RSF1: variants seen among roughly 807,000 people sequenced by gnomAD.
The protein encoded by RSF1 is remodeling and spacing factor 1, also known as HBV pX-associated protein 8.
A neutral mutation model predicts 145.2 loss-of-function variants in RSF1; 13 were observed. The observed-to-expected ratio is 0.09, with a 90% CI of 0.06 to 0.14. RSF1 has a LOEUF of 0.14. Ranked by LOEUF, RSF1 falls within the 10% of genes least tolerant of loss-of-function variation. RSF1 has a pLI of 1.00. For missense variants in RSF1, 1,517 were observed against 1,718.2 expected (o/e 0.88, Z 2.07); for synonymous variants, 577 against 592.6 (o/e 0.97, Z 0.38).
chr11:77,807,891 A>G (rs961720833), intron 1 of RSF1, among the ~76,000 whole-genome samples: 5 of 152,236 alleles, frequency 3.3e-5, no homozygotes, highest in Non-Finnish European at 5.9e-5. Flanking sequence ...GGGTAAATGG[A>G]AGTCATGGCA....
In RSF1 at chr11:77,700,794, G is replaced by A. The variant is rs372058188; in HGVS notation, c.2435C>T (p.Thr812Ile). 2 of 1,609,310 alleles carry A rather than the reference G, an allele frequency of 1.2e-6. No individual in the cohort carries two copies. Among genetic ancestry groups the A allele is most frequent in the African/African-American group, 2.7e-5 (2 of 74,718 alleles). The change falls in exon 6 of 16, where the codon ACA becomes ATA. Residue 812 changes from threonine (T) to isoleucine (I), a missense_variant. Transcript: ENST00000308488. ...CTTTTTGTCAGTTTTTTGCAAAGCT[G>A]TTGACTCTTCTTCCACCTCATCTTC... ...EGEDEVEEES[T>I]ALQKTDKKEI...
chr11:77,851,788 A>G, the RSF1 span, among the ~76,000 whole-genome samples: 1 of 152,200 alleles, frequency 6.6e-6, no homozygotes, highest in African/African-American at 2.4e-5. Flanking sequence ...AGATGCTGGT[A>G]TCATGCTTGT....
At chr11:77,714,840 T>G (rs371604296) in intron 5 of RSF1, among the ~76,000 whole-genome samples, 69 of 151,420 alleles carry the variant, frequency 4.6e-4, no homozygotes, top group African/African-American at 1.6e-3. Context: ...AAACCTTGTC[T>G]TTAAAAAAAA....
chr11:77,696,399 T>G (rs890289832), intron 7 of RSF1, among the ~76,000 whole-genome samples: 1 of 152,210 alleles, frequency 6.6e-6, no homozygotes. Context: ...ACAAGGACCA[T>G]GCCTTTCTAG....
chr11:77,685,583 C>T (rs1368506245), intron 9 of RSF1, among the ~76,000 whole-genome samples: 1 of 152,232 alleles, frequency 6.6e-6, no homozygotes, highest in African/African-American at 2.4e-5. Flanking sequence ...GGTGTGACCA[C>T]TGCTCCTGGC....
At chr11:77,765,985 C>T (rs997326965) in intron 1 of RSF1, among the ~76,000 whole-genome samples, 10 of 152,114 alleles carry the variant, frequency 6.6e-5, no homozygotes, top group Admixed American at 5.9e-4. Flanking sequence ...TGATCTCAGG[C>T]GATCTGCCCA....
chr11:77,791,971 C>G (rs139800014), intron 1 of RSF1, among the ~76,000 whole-genome samples: 3 of 152,138 alleles, frequency 2.0e-5, no homozygotes, highest in Admixed American at 6.5e-5. Flanking sequence ...TCAGCAACAC[C>G]CCACTCTACT....
chr11:77,756,358 CAAAAAAA>C (rs936128985), intron 2 of RSF1, among the ~76,000 whole-genome samples: 12 of 54,298 alleles, frequency 2.2e-4, no homozygotes, highest in Non-Finnish European at 3.6e-4. Context: ...AACTCTGTCT[CAAAAAAA>C]AAAAAAAAAA....
At chr11:77,702,731 CT>C (rs1960456651) in intron 5 of RSF1, 1 of 328,750 alleles carries the variant, frequency 3.0e-6, no homozygotes, top group Admixed American at 4.8e-5. Context: ...CTGCTTTTTA[CT>C]TTTTGTTTTG....
At position 77,667,147 on chromosome 11, in the gene RSF1, C is replaced by T. The variant is rs772507555; in HGVS notation, c.4096G>A (p.Val1366Met). The change falls in exon 16 of 16, where the codon GTG becomes ATG. Residue 1366 changes from valine to methionine, a missense_variant. Physicochemically the swap from Val to Met is conservative, Grantham distance 21. Transcript: ENST00000308488. ...TGTCCATTGGTTGAAGGTAAGTCCA[C>T]TAAGCTATAGTCCAATGGGCTCCCC... is the stretch of plus-strand genomic sequence containing the variant. ...KVGSPLDYSL[V>M]DLPSTNGQSP... is the part of the protein sequence containing the mutation. The T allele has an allele frequency of 1.2e-6, 2 of 1,614,104 alleles. No homozygotes were observed. The highest frequency in any genetic ancestry group is 2.2e-5 in the South Asian group (2 of 91,094).
intron 1 of RSF1, among the ~76,000 whole-genome samples, chr11:77,813,069 C>G (rs1759346375): frequency 6.6e-6 from 1 of 152,036 alleles, no homozygotes; most frequent in Non-Finnish European, 1.5e-5. Flanking sequence ...AATTCCCCAC[C>G]ACCTCATCCC....
At chr11:77,867,682 T>G in the RSF1 span, among the ~76,000 whole-genome samples, 3 of 152,192 alleles carry the variant, frequency 2.0e-5, no homozygotes, top group Non-Finnish European at 4.4e-5. Flanking sequence ...TGGAGCCCAG[T>G]AGGTTGGGCT....
In RSF1 at chr11:77,820,579, C is replaced by T; in HGVS notation, c.136G>A (p.Glu46Lys). 2 of 1,560,776 alleles carry T rather than the reference C, an allele frequency of 1.3e-6. No homozygotes were observed. Among genetic ancestry groups the T allele is most frequent in the Non-Finnish European group, 1.7e-6 (2 of 1,153,866 alleles). The part of the protein sequence containing the change: ...LLDLPELPFP[E>K]LERVLQAPPP... The stretch of plus-strand genomic sequence containing the variant: ...GGCGCCTGCAGCACCCGCTCCAGCT[C>T]AGGGAACGGCAACTCAGGCAGGTCT... Residue 46 changes from glutamate to lysine, a missense_variant, in exon 1 of 16, where the codon GAG (glutamate) becomes AAG (lysine). Physicochemically the swap from Glu to Lys is moderately conservative, Grantham distance 56. Coordinates refer to ENST00000308488, the MANE Select transcript of RSF1 (RefSeq NM_016578.4).
In RSF1 at chr11:77,725,563, C is replaced by T. The variant is rs1445437918; in HGVS notation, c.715G>A (p.Glu239Lys). 6.4e-7 allele frequency: 1 copy of T among 1,571,342 alleles called. No individual in the cohort carries two copies. The highest frequency in any genetic ancestry group is 8.6e-7 in the Non-Finnish European group (1 of 1,159,350). The stretch of plus-strand genomic sequence containing the variant: ...AAAAAACCTTGTTTAGGTGTTTCTT[C>T]CTCTTTTTTAGTCTCCTCATCCTCT... ...SLEDEETKKE[E>K]ETPKQEEQKE... The change falls in exon 5 of 16, where the codon GAA becomes AAA. Residue 239 changes from glutamate (E) to lysine (K), a missense_variant. Around this residue, in one of 12 missense-constraint regions of RSF1, gnomAD observed 207 missense variants for 191.4 expected, o/e 1.08. Coordinates refer to ENST00000308488, the MANE Select transcript of RSF1 (RefSeq NM_016578.4).
At chr11:77,742,441 A>G (rs560731384) in intron 3 of RSF1, among the ~76,000 whole-genome samples, 1 of 151,990 alleles carries the variant, frequency 6.6e-6, no homozygotes, top group Non-Finnish European at 1.5e-5. Context: ...CACCATGCCC[A>G]GCTAATTTTT....
Position 77,820,708 on chromosome 11 carries a change from T to A in RSF1, c.7A>T (p.Thr3Ser). The A allele has an allele frequency of 6.5e-7, 1 of 1,548,886 alleles. No individual in the cohort carries two copies. The highest frequency in any genetic ancestry group is 8.7e-7 in the Non-Finnish European group (1 of 1,147,240). The change falls in exon 1 of 16, where the codon ACG (threonine) becomes TCG (serine). Residue 3 changes from threonine to serine, a missense_variant. Transcript: ENST00000308488. ...ATCACCGCCGCCGCTGCCGCCGCCG[T>A]CGCCATTTTGAACTGGAGGATGGAG... MATAAAAAAVMAP... is the reference protein window; with the variant it reads MASAAAAAAVMAP...
chr11:77,755,538 G>A lies in RSF1; in HGVS notation c.280-8410C>T, dbSNP rs758535001. Reference sequence around the variant, plus strand: ...AAAGTCATTCAGAGATCTTCTGACTGGGTCACATTGTCTTTACTCAAACCT... The same window carrying A: ...AAAGTCATTCAGAGATCTTCTGACTAGGTCACATTGTCTTTACTCAAACCT... On this transcript the variant is annotated intron_variant, in intron 2 of 15. Coordinates refer to ENST00000308488, the MANE Select transcript of RSF1 (RefSeq NM_016578.4). Among the ~76,000 whole-genome samples the A allele has an allele frequency of 1.4e-4, 22 of 152,122 alleles. 1 individual carries two copies. The highest frequency in any genetic ancestry group is 2.6e-4 in the Non-Finnish European group (18 of 68,026).
At chr11:77,755,015 G>C (rs1048108813) in intron 2 of RSF1, among the ~76,000 whole-genome samples, 1 of 152,184 alleles carries the variant, frequency 6.6e-6, no homozygotes, top group Non-Finnish European at 1.5e-5. Flanking sequence ...AAGGAGGAAA[G>C]TGGCAAAAGA....
chr11:77,676,722 A>C, intron 13 of RSF1, 70 bp downstream of exon 13: 1 of 1,350,608 alleles, frequency 7.4e-7, no homozygotes, highest in South Asian at 1.4e-5. Flanking sequence ...AGCATGGGCA[A>C]GCCTCTCTGC....
Sources: gnomAD v4.1 joint callset for allele counts (sites outside exome capture counted in the v4.1 genomes callset) on GRCh38, gnomAD v4.1.1 for gene constraint, gnomAD v4.1.1 regional missense constraint, MANE v1.5 for transcripts, NCBI Gene and HGNC (gene_info 2026-07-23, HGNC 2026-07-21) for gene names.